Variants in CDKL5 observed in about 807,000 individuals in gnomAD.
The protein encoded by CDKL5 is cyclin dependent kinase like 5.
CDKL5 carries 8 observed loss-of-function variants against 61.7 expected under a neutral mutation model. The observed-to-expected ratio is 0.13, with a 90% CI of 0.08 to 0.23. The LOEUF (loss-of-function observed/expected upper bound fraction) is 0.23. Among genes scored for constraint, CDKL5 ranks in the 10% least tolerant of loss-of-function variants. CDKL5 has a pLI of 1.00. For synonymous variants in CDKL5, 275 were observed against 272.3 expected (o/e 1.01, Z -0.10); for missense variants, 440 against 734.5 (o/e 0.60, Z 4.63).
At position 18,629,411 on chromosome X, in the gene CDKL5, CAG is replaced by C; in HGVS notation, c.*655_*656del. On this transcript the variant is annotated 3_prime_UTR_variant, in exon 18 of 18. Transcript: ENST00000623535. ...TACAGTAGTTTCTATAAAAACTAAA[CAG>C]TAACATTTATATATTGCATCAGGAG... The C allele has an allele frequency of 2.9e-6, 2 of 679,561 alleles. No homozygotes were observed. Among genetic ancestry groups the C allele is most frequent in the East Asian group, 1.6e-4 (1 of 6,327 alleles). 56.0% of individuals were successfully genotyped at this position (679,561 alleles called of 1,213,427 possible). A position where few individuals can be genotyped will look rare whatever the true frequency, so the allele number is the denominator to read the frequency against.
intron 8 of CDKL5, 109 bp downstream of exon 8, chrX:18,584,462 C>A: frequency 1.8e-6 from 1 of 563,890 alleles, no homozygotes; most frequent in South Asian, 2.5e-5. Context: ...TTAAATGTGT[C>A]AGTTACATAT....
At chrX:18,575,558 T>G in intron 5 of CDKL5, 68 bp downstream of exon 5, 1 of 1,007,167 alleles carries the variant, frequency 9.9e-7, no homozygotes, top group Non-Finnish European at 1.4e-6. Context: ...CTGACATTAT[T>G]TAAGAAAGTA....
chrX:18,609,332 T>C, intron 13 of CDKL5, 133 bp from the exon 14 acceptor site: 1 of 1,099,146 alleles, frequency 9.1e-7, no homozygotes, highest in Non-Finnish European at 1.2e-6. Context: ...CAGTCAAGGC[T>C]ACAGTAAGCC....
chrX:18,487,443 A>G (rs1921831005), intron 1 of CDKL5, among the ~76,000 whole-genome samples: 1 of 112,621 alleles, frequency 8.9e-6, no homozygotes, highest in Non-Finnish European at 1.9e-5. Context: ...GACTACAGGC[A>G]TGGACCAGCA....
intron 1 of CDKL5, among the ~76,000 whole-genome samples, chrX:18,470,149 C>T (rs754382310): frequency 1.8e-5 from 2 of 109,839 alleles, no homozygotes; most frequent in African/African-American, 3.3e-5. Flanking sequence ...CCAGCCTGGC[C>T]AACATGGTGA....
intron 8 of CDKL5, among the ~76,000 whole-genome samples, chrX:18,585,820 T>A (rs1925625462): frequency 8.9e-6 from 1 of 112,111 alleles, no homozygotes; most frequent in South Asian, 3.7e-4. Context: ...ATTGTAGGTC[T>A]CATTTCTTTA....
rs1262658572 is a variant in CDKL5 at position 18,492,459 on chromosome X, C to T, written c.-162-14476C>T. Among the ~76,000 whole-genome samples, 12 of 111,113 alleles carry T rather than the reference C, an allele frequency of 1.1e-4. No homozygotes were observed. In the East Asian group the frequency reaches 3.4e-3, roughly 32 times the overall value. On this transcript the variant is annotated intron_variant, in intron 1 of 17. Transcript: ENST00000623535. ...GTACCTTTTCCATTTTTATGGATAT[C>T]TAAACTCAACCTTAACTTGACAAAT... is the stretch of plus-strand genomic sequence containing the variant.
intron 3 of CDKL5, among the ~76,000 whole-genome samples, chrX:18,533,683 A>G (rs1376390754): frequency 1.8e-5 from 2 of 111,563 alleles, no homozygotes; most frequent in Admixed American, 1.9e-4. Flanking sequence ...TTACTACTTC[A>G]TGCTATCTGG....
chrX:18,483,611 G>A (rs191109646), intron 1 of CDKL5, among the ~76,000 whole-genome samples: 1,352 of 108,935 alleles, frequency 0.012, 11 homozygotes, highest in Middle Eastern at 0.024. Flanking sequence ...TAGTAGAGAC[G>A]GGGTTTCACC....
At chrX:18,466,251 C>T (rs1010432767) in intron 1 of CDKL5, among the ~76,000 whole-genome samples, 3 of 111,897 alleles carry the variant, frequency 2.7e-5, no homozygotes, top group African/African-American at 9.7e-5. Flanking sequence ...ATTCTCATTT[C>T]TGAATTATCT....
chrX:18,509,197 G>GCACGCGCGCGCACACACACACACACA (rs1204561636), intron 2 of CDKL5, among the ~76,000 whole-genome samples: 1 of 64,308 alleles, frequency 1.6e-5, no homozygotes, highest in African/African-American at 5.9e-5. Flanking sequence ...CTCAAAACAC[G>GCACGCGCGCGCACACACACACACACA]CACACACACA....
In CDKL5 at chrX:18,587,689, A is replaced by T. The variant is rs1925684942; in HGVS notation, c.555-265A>T. 5 of 367,969 alleles carry T rather than the reference A, an allele frequency of 1.4e-5. No homozygotes were observed. The South Asian group carries it at 1.5e-4, about 11-fold the overall frequency. 30.3% of individuals were successfully genotyped at this position (367,969 alleles called of 1,213,427 possible). A position where few individuals can be genotyped will look rare whatever the true frequency, so the allele number is the denominator to read the frequency against. ...TGTATTAGGGTTTATTAAGCCGTTC[A>T]CATTTAAGATACATATCTATTTATG... is the stretch of plus-strand genomic sequence containing the variant. On this transcript the variant is annotated intron_variant, in intron 8 of 17. Coordinates refer to ENST00000623535, the MANE Select transcript of CDKL5 (RefSeq NM_001323289.2).
chrX:18,493,228 A>G (rs1488946089), intron 1 of CDKL5, among the ~76,000 whole-genome samples: 2 of 112,253 alleles, frequency 1.8e-5, no homozygotes, highest in East Asian at 2.8e-4. Context: ...AGCAACTTAT[A>G]TCTCTTTCAT....
intron 3 of CDKL5, chrX:18,535,676 G>A (rs774093652): frequency 8.4e-5 from 13 of 154,991 alleles, no homozygotes; most frequent in Non-Finnish European, 4.1e-5. Context: ...TCTCGCCCCC[G>A]GAGAAAAGCA....
At chrX:18,428,352 G>T (rs1171608519) in intron 1 of CDKL5, among the ~76,000 whole-genome samples, 1 of 112,289 alleles carries the variant, frequency 8.9e-6, no homozygotes, top group African/African-American at 3.2e-5. Context: ...GAAATTGGCT[G>T]TAAGAAATTT....
chrX:18,475,887 T>C (rs1921290246), intron 1 of CDKL5, among the ~76,000 whole-genome samples: 1 of 112,308 alleles, frequency 8.9e-6, no homozygotes, highest in African/African-American at 3.2e-5. Context: ...TTTACTCATA[T>C]AACAAATTTT....
intron 1 of CDKL5, among the ~76,000 whole-genome samples, chrX:18,491,724 A>G (rs896879223): frequency 9.0e-6 from 1 of 111,619 alleles, no homozygotes; most frequent in African/African-American, 3.3e-5. Flanking sequence ...TACAAAAAAG[A>G]TACGTGATAT....
intron 1 of CDKL5, among the ~76,000 whole-genome samples, chrX:18,474,424 C>T (rs946480445): frequency 1.8e-5 from 2 of 111,469 alleles, no homozygotes; most frequent in Non-Finnish European, 3.8e-5. Context: ...CCCCAAGTTT[C>T]TACCTCCTCG....
chrX:18,614,044 G>C (rs1189507402), intron 15 of CDKL5, among the ~76,000 whole-genome samples: 1 of 111,567 alleles, frequency 9.0e-6, no homozygotes. Context: ...AGACTGCCCA[G>C]GTTCTCTACC....
Sources: gnomAD v4.1 joint callset for allele counts (sites outside exome capture counted in the v4.1 genomes callset) on GRCh38, gnomAD v4.1.1 for gene constraint, MANE v1.5 for transcripts, NCBI Gene and HGNC (gene_info 2026-07-23, HGNC 2026-07-21) for gene names.